TSPEAR: variants seen among roughly 807,000 people sequenced by gnomAD.
The protein encoded by TSPEAR is thrombospondin type laminin G domain and EAR repeats.
TSPEAR carries 69 observed loss-of-function variants against 71.6 expected under a neutral mutation model. That is an observed-to-expected ratio of 0.96 (90% CI 0.79 to 1.18). The LOEUF (loss-of-function observed/expected upper bound fraction) is 1.18. TSPEAR is among the 50% of genes most tolerant of loss of function. The probability of loss-of-function intolerance (pLI) is 0.00; values close to 1 mark genes in which losing one functional copy is unlikely to be tolerated. For synonymous variants in TSPEAR, 402 were observed against 387.2 expected (o/e 1.04, Z -0.45); for missense variants, 971 against 894.9 (o/e 1.09, Z -1.09).
chr21:44,569,930 C>A (rs1391919421), intron 1 of TSPEAR, among the ~76,000 whole-genome samples: 1 of 152,106 alleles, frequency 6.6e-6, no homozygotes, highest in Non-Finnish European at 1.5e-5. Context: ...GGGGATGAGA[C>A]TCCACATACT....
chr21:44,704,607 G>A (rs1298470256), intron 1 of TSPEAR, among the ~76,000 whole-genome samples: 7 of 152,360 alleles, frequency 4.6e-5, no homozygotes, highest in Non-Finnish European at 8.8e-5. Context: ...GCAGCGGCTT[G>A]AGGGTCTTTC....
At chr21:44,689,712 AATATATATATAT>A (rs71199618) in intron 1 of TSPEAR, among the ~76,000 whole-genome samples, 3 of 62,038 alleles carry the variant, frequency 4.8e-5, no homozygotes, top group African/African-American at 2.4e-4. Flanking sequence ...GAATAGAATG[AATATATATATAT>A]ATATATATAT....
At chr21:44,671,127 C>A (rs1986036986) in intron 1 of TSPEAR, among the ~76,000 whole-genome samples, 2 of 152,240 alleles carry the variant, frequency 1.3e-5, no homozygotes, top group Non-Finnish European at 2.9e-5. Flanking sequence ...CTCCCAGGGA[C>A]CTGAGGATGT....
intron 9 of TSPEAR, among the ~76,000 whole-genome samples, chr21:44,514,875 A>C (rs1403591678): frequency 6.6e-6 from 1 of 152,116 alleles, no homozygotes; most frequent in African/African-American, 2.4e-5. Context: ...CTCCTCACTC[A>C]TATCTGCCCT....
Position 44,528,480 on chromosome 21 carries a change from A to C in TSPEAR, c.894T>G (p.Val298=), listed in dbSNP as rs1399903848. 1 of 1,613,994 alleles carries C rather than the reference A, an allele frequency of 6.2e-7. No individual in the cohort carries two copies. The part of the protein sequence containing the change: ...DASRKGLYLC[V]GNEWVSVLAA... The stretch of plus-strand genomic sequence containing the variant: ...CTAACACGGAGACCCACTCGTTGCC[A>C]ACACACAGATACAGGCCCTTCCGGC... The change falls in exon 6 of 12, where the codon GTT becomes GTG. Residue 298 remains valine (V), a synonymous_variant. Coordinates refer to ENST00000323084, the MANE Select transcript of TSPEAR (RefSeq NM_144991.3).
At chr21:44,661,532 T>C (rs764893230) in intron 1 of TSPEAR, among the ~76,000 whole-genome samples, 31 of 152,150 alleles carry the variant, frequency 2.0e-4, no homozygotes, top group Non-Finnish European at 4.3e-4. Context: ...GCCAAATAAG[T>C]TTGAAAGGAC....
Position 44,676,639 on chromosome 21 carries a change from T to C in TSPEAR, c.82+34794A>G. 3.9e-6 allele frequency: 3 copies of C among 765,562 alleles called. No homozygotes were observed. In the South Asian group the frequency reaches 4.1e-5, roughly 10 times the overall value. The allele number at this position is 765,562 out of a possible 1,614,324, so 47.4% of individuals were successfully genotyped here. Reference sequence around the variant, plus strand: ...AAATTCATACTTCAATTCCTGTTCTTGAACCCTAAGGACATCTCACAAGTG... The same window carrying C: ...AAATTCATACTTCAATTCCTGTTCTCGAACCCTAAGGACATCTCACAAGTG... On this transcript the variant is annotated intron_variant, in intron 1 of 11. Transcript: ENST00000323084.
intron 1 of TSPEAR, among the ~76,000 whole-genome samples, chr21:44,630,851 T>TG (rs1224545861): frequency 6.6e-6 from 1 of 152,242 alleles, no homozygotes; most frequent in African/African-American, 2.4e-5. Flanking sequence ...AATGGAATAG[T>TG]GACCCCCTTC....
intron 1 of TSPEAR, among the ~76,000 whole-genome samples, chr21:44,598,124 T>C (rs1980490882): frequency 6.6e-6 from 1 of 152,100 alleles, no homozygotes; most frequent in African/African-American, 2.4e-5. Flanking sequence ...TGCCCAGGCA[T>C]GCCGCAACAT....
chr21:44,624,162 CT>C (rs1435536542), intron 1 of TSPEAR, among the ~76,000 whole-genome samples: 1 of 152,158 alleles, frequency 6.6e-6, no homozygotes, highest in Non-Finnish European at 1.5e-5. Flanking sequence ...CACTAATCTT[CT>C]CTTTGGTTTT....
chr21:44,601,783 A>AC, intron 1 of TSPEAR: 3 of 1,571,590 alleles, frequency 1.9e-6, no homozygotes, highest in South Asian at 1.2e-5. Context: ...TGCCACCTGC[A>AC]CCCCTGGATT....
At chr21:44,585,291 C>A (rs1555925558) in intron 1 of TSPEAR, among the ~76,000 whole-genome samples, 1 of 152,198 alleles carries the variant, frequency 6.6e-6, no homozygotes, top group East Asian at 1.9e-4. Flanking sequence ...ATTTGCATAA[C>A]TTTAATCTTC....
intron 10 of TSPEAR, among the ~76,000 whole-genome samples, chr21:44,505,567 TCCCCCCCCCCCC>T (rs1270275295): frequency 1.2e-4 from 1 of 8,480 alleles, no homozygotes; most frequent in Non-Finnish European, 4.6e-4. Flanking sequence ...CCCTCCCCCC[TCCCCCCCCCCCC>T]CCCCCCAGCC....
At chr21:44,600,003 C>T (rs1439977189) in intron 1 of TSPEAR, among the ~76,000 whole-genome samples, 1 of 152,220 alleles carries the variant, frequency 6.6e-6, no homozygotes, top group African/African-American at 2.4e-5. Context: ...TGCACGGCCC[C>T]CCAGGAACTA....
At chr21:44,517,245 GCCA>G (rs1555913560) in intron 9 of TSPEAR, 1 of 154,498 alleles carries the variant, frequency 6.5e-6, no homozygotes, top group East Asian at 1.9e-4. Flanking sequence ...TTTGGGTGGA[GCCA>G]CCACTTCCAG....
At chr21:44,574,482 G>A (rs1555923418) in intron 1 of TSPEAR, 1 of 1,609,168 alleles carries the variant, frequency 6.2e-7, no homozygotes. Flanking sequence ...CTGCAAGCCT[G>A]TGTGCTCTGA....
At chr21:44,572,332 G>A (rs958382812) in intron 1 of TSPEAR, among the ~76,000 whole-genome samples, 3 of 152,210 alleles carry the variant, frequency 2.0e-5, no homozygotes, top group Non-Finnish European at 4.4e-5. Flanking sequence ...GACCGTCCTG[G>A]CTGAGAAGAA....
At chr21:44,578,020 G>A (rs1041369833) in intron 1 of TSPEAR, among the ~76,000 whole-genome samples, 33 of 152,146 alleles carry the variant, frequency 2.2e-4, no homozygotes, top group Non-Finnish European at 3.5e-4. Context: ...CCCTGCACAA[G>A]CTCTCTTCTC....
chr21:44,674,358 G>A (rs191172697), intron 1 of TSPEAR, among the ~76,000 whole-genome samples: 20 of 151,346 alleles, frequency 1.3e-4, no homozygotes, highest in Admixed American at 6.0e-4. Context: ...AAAAAAGAAA[G>A]AAGACCCCAA....
Sources: allele counts gnomAD v4.1 joint callset (sites outside exome capture counted in the v4.1 genomes callset), GRCh38; gene constraint gnomAD v4.1.1; transcripts MANE v1.5; gene names NCBI Gene and HGNC (gene_info 2026-07-23, HGNC 2026-07-21).